The following DYNC2H1 variants were observed in gnomAD, a reference collection of about 807,000 sequenced individuals.
DYNC2H1 encodes the protein cytoplasmic dynein 2 heavy chain 1.
DYNC2H1 carries 410 observed loss-of-function variants against 570.0 expected under a neutral mutation model. The ratio of observed to expected loss-of-function variants is 0.72; its 90% CI spans 0.66 to 0.78. The LOEUF is 0.78. Among genes scored for constraint, DYNC2H1 ranks in the 30% least tolerant of loss-of-function variants. The pLI, the probability that DYNC2H1 is intolerant of heterozygous loss-of-function variation, is 0.00. For missense variants in DYNC2H1, 4,865 were observed against 5,046.4 expected (o/e 0.96, Z 1.09); for synonymous variants, 1,688 against 1,677.6 (o/e 1.01, Z -0.15).
At chr11:103,357,776 G>T (rs1271730905) in intron 82 of DYNC2H1, among the ~76,000 whole-genome samples, 1 of 151,752 alleles carries the variant, frequency 6.6e-6, no homozygotes, top group Non-Finnish European at 1.5e-5. Context: ...AACATACTGA[G>T]ACATGGTCTC....
At chr11:103,296,930 C>T (rs1866855725) in intron 75 of DYNC2H1, among the ~76,000 whole-genome samples, 1 of 152,026 alleles carries the variant, frequency 6.6e-6, no homozygotes, top group Non-Finnish European at 1.5e-5. Flanking sequence ...CCCTCTTAGG[C>T]TGTTCCTTTT....
intron 82 of DYNC2H1, among the ~76,000 whole-genome samples, chr11:103,352,248 A>G (rs963548017): frequency 6.6e-6 from 1 of 151,942 alleles, no homozygotes; most frequent in African/African-American, 2.4e-5. Flanking sequence ...TCTGTTTTCT[A>G]TTTAAATTTT....
In DYNC2H1 at chr11:103,160,993, G is replaced by A; in HGVS notation, c.4440G>A (p.Glu1480=). 6.4e-7 allele frequency: 1 copy of A among 1,568,732 alleles called. No homozygotes were observed. Among genetic ancestry groups the A allele is most frequent in the East Asian group, 2.3e-5 (1 of 43,118 alleles). Residue 1480 remains glutamate, a synonymous_variant, in exon 29 of 89, where the codon GAG becomes GAA. Coordinates refer to ENST00000375735, the MANE Select transcript of DYNC2H1 (RefSeq NM_001377.3). ...SKHITAMKSL[E]GEVVPFKNKV... ...ATATAACTGCAATGAAATCTTTAGAGGGAGAAGTTGTACCTTTTAAAAATA... is the reference window on the plus strand; with the variant it reads ...ATATAACTGCAATGAAATCTTTAGAAGGAGAAGTTGTACCTTTTAAAAATA...
rs146561153 is a variant in DYNC2H1 at position 103,400,002 on chromosome 11, AAATT to A, written c.12366+135_12366+138del. Reference sequence around the variant, plus strand: ...AGTCACACTGGCTTAAGCCATATAAAAATTAATTGACTGATGTAACTGAAGAATC... The same window carrying A: ...AGTCACACTGGCTTAAGCCATATAAAAATTGACTGATGTAACTGAAGAATC... On this transcript the variant is annotated intron_variant, in intron 84 of 88. Transcript: ENST00000375735. The A allele has an allele frequency of 0.03, 21,356 of 718,242 alleles. 441 individuals are homozygous for A. The highest frequency in any genetic ancestry group is 0.046 in the Middle Eastern group (147 of 3,222). 44.5% of individuals were successfully genotyped at this position (718,242 alleles called of 1,614,324 possible).
chr11:103,359,104 G>A (rs930869739), intron 83 of DYNC2H1, among the ~76,000 whole-genome samples: 6 of 151,990 alleles, frequency 3.9e-5, no homozygotes, highest in Non-Finnish European at 8.8e-5. Flanking sequence ...CTGTAGTTTT[G>A]GCACCTTAGT....
intron 87 of DYNC2H1, among the ~76,000 whole-genome samples, chr11:103,464,915 T>C (rs1251880519): frequency 6.6e-6 from 1 of 152,192 alleles, no homozygotes; most frequent in Non-Finnish European, 1.5e-5. Context: ...TTAACTTAAA[T>C]TTAAGTAGCT....
Position 103,160,997 on chromosome 11 carries a change from G to A in DYNC2H1, c.4444G>A (p.Glu1482Lys). 1 of 1,563,614 alleles carries A rather than the reference G, an allele frequency of 6.4e-7. No individual in the cohort carries two copies. The highest frequency in any genetic ancestry group is 8.6e-7 in the Non-Finnish European group (1 of 1,158,262). ...HITAMKSLEGEVVPFKNKVPL... is the reference protein window; with the variant it reads ...HITAMKSLEGKVVPFKNKVPL... ...AACTGCAATGAAATCTTTAGAGGGAGAAGTTGTACCTTTTAAAAATAAAGT... is the reference window on the plus strand; with the variant it reads ...AACTGCAATGAAATCTTTAGAGGGAAAAGTTGTACCTTTTAAAAATAAAGT... The change falls in exon 29 of 89, where the codon GAA becomes AAA. Residue 1482 changes from glutamate to lysine, a missense_variant. Glu to Lys is a moderately conservative substitution (Grantham distance 56). Transcript: ENST00000375735.
intron 82 of DYNC2H1, among the ~76,000 whole-genome samples, chr11:103,335,159 G>A (rs1438617543): frequency 2.0e-5 from 3 of 151,866 alleles, no homozygotes; most frequent in Non-Finnish European, 4.4e-5. Flanking sequence ...CATTTTAAAA[G>A]CATCCATCAG....
At chr11:103,464,977 A>G (rs1831529665) in intron 87 of DYNC2H1, among the ~76,000 whole-genome samples, 1 of 152,216 alleles carries the variant, frequency 6.6e-6, no homozygotes, top group South Asian at 2.1e-4. Context: ...CTAAACAGCA[A>G]TAATTCAATT....
intron 78 of DYNC2H1, among the ~76,000 whole-genome samples, chr11:103,309,360 T>C (rs313369): frequency 0.11 from 16,239 of 149,112 alleles, 1,526 homozygotes; most frequent in African/African-American, 0.24. Context: ...TCTTTTCTTT[T>C]TTTTTTTCTT....
At chr11:103,371,289 C>T (rs1279348007) in intron 83 of DYNC2H1, among the ~76,000 whole-genome samples, 1 of 152,070 alleles carries the variant, frequency 6.6e-6, no homozygotes, top group African/African-American at 2.4e-5. Context: ...TAAAAACAAG[C>T]ACACCTACAG....
chr11:103,408,665 G>A (rs1942963724), intron 84 of DYNC2H1, among the ~76,000 whole-genome samples: 1 of 152,010 alleles, frequency 6.6e-6, no homozygotes, highest in African/African-American at 2.4e-5. Flanking sequence ...AGCTACATTA[G>A]GATGTCCTGA....
chr11:103,156,793 T>TA, intron 26 of DYNC2H1, 23 bp downstream of exon 26: 1 of 1,580,720 alleles, frequency 6.3e-7, no homozygotes, highest in East Asian at 2.2e-5. Flanking sequence ...ATGTAAGACA[T>TA]AGACACATAT....
intron 13 of DYNC2H1, among the ~76,000 whole-genome samples, chr11:103,131,902 A>G (rs1011126357): frequency 4.6e-5 from 7 of 152,160 alleles, no homozygotes; most frequent in African/African-American, 1.7e-4. Flanking sequence ...ATTGTCTAGG[A>G]AAGCATAGAA....
At chr11:103,478,792 AC>A (rs1381929271) in intron 88 of DYNC2H1, among the ~76,000 whole-genome samples, 1 of 152,064 alleles carries the variant, frequency 6.6e-6, no homozygotes, top group Non-Finnish European at 1.5e-5. Flanking sequence ...GTAGTTTTCT[AC>A]TGTGTGATAA....
Position 103,299,609 on chromosome 11 carries a change from G to A in DYNC2H1, c.11096-3484G>A, listed in dbSNP as rs1055650997. Among the ~76,000 whole-genome samples the A allele has an allele frequency of 6.6e-6, 1 of 152,078 alleles. No homozygotes were observed. Among genetic ancestry groups the A allele is most frequent in the East Asian group, 1.9e-4 (1 of 5,198 alleles). Reference sequence around the variant, plus strand: ...CATTAGCAGATCGATTCCTTTGCATGCTTCATATCACTCCTGTTTCTCTTT... The same window carrying A: ...CATTAGCAGATCGATTCCTTTGCATACTTCATATCACTCCTGTTTCTCTTT... On this transcript the variant is annotated intron_variant, in intron 75 of 88. Coordinates refer to ENST00000375735, the MANE Select transcript of DYNC2H1 (RefSeq NM_001377.3). This position sits in a 1 kb window ranked among gnomAD's most constrained non-coding sequence, Gnocchi z 4.5.
At chr11:103,222,819 C>A in intron 58 of DYNC2H1, 146 bp from the exon 59 acceptor site, 2 of 787,436 alleles carry the variant, frequency 2.5e-6, no homozygotes, top group Non-Finnish European at 2.0e-6. Context: ...AATAGAAGTT[C>A]ACTGTATTTT....
At position 103,304,691 on chromosome 11, in the gene DYNC2H1, G is replaced by C. The variant is rs766751256; in HGVS notation, c.11353G>C (p.Val3785Leu). 6.2e-7 allele frequency: 1 copy of C among 1,612,834 alleles called. No homozygotes were observed. Among genetic ancestry groups the C allele is most frequent in the Non-Finnish European group, 8.5e-7 (1 of 1,179,190 alleles). The change falls in exon 77 of 89, where the codon GTG (valine) becomes CTG (leucine). Residue 3785 changes from valine (V) to leucine (L), a missense_variant. By Grantham distance (32) the Val-to-Leu change is conservative (BLOSUM62 1). Coordinates refer to ENST00000375735, the MANE Select transcript of DYNC2H1 (RefSeq NM_001377.3). ...DWLCLKNLHL[V>L]VSWLPVLEKE... ...GCTCTGTTTGAAGAACTTACATCTT[G>C]TGGTATCTTGGCTGCCAGTTCTGGA...
chr11:103,399,188 G>C (rs906636514), intron 83 of DYNC2H1, among the ~76,000 whole-genome samples: 2 of 140,180 alleles, frequency 1.4e-5, no homozygotes, highest in Non-Finnish European at 3.0e-5. Context: ...TGTCGCCCAG[G>C]CTGGAGGGCA....
Sources: gnomAD v4.1 joint callset for allele counts (sites outside exome capture counted in the v4.1 genomes callset) on GRCh38, gnomAD v4.1.1 for gene constraint, Gnocchi (gnomAD v3.1) non-coding constraint, MANE v1.5 for transcripts, NCBI Gene and HGNC (gene_info 2026-07-23, HGNC 2026-07-21) for gene names.